The following PDE7B variants were observed in gnomAD, a reference collection of about 807,000 sequenced individuals.
PDE7B encodes the protein 3',5'-cyclic-AMP phosphodiesterase 7B.
In PDE7B, 29 loss-of-function variants were observed where a neutral mutation model predicts 56.2. That is an observed-to-expected ratio of 0.52 (90% CI 0.38 to 0.70). The LOEUF is 0.70. Ranked by LOEUF, PDE7B falls within the 30% of genes least tolerant of loss-of-function variation. The pLI is 0.00. For missense variants in PDE7B, 490 were observed against 565.0 expected (o/e 0.87, Z 1.35); for synonymous variants, 197 against 196.9 (o/e 1.00, Z 0.00).
chr6:136,063,666 G>A (rs374522376), intron 2 of PDE7B, among the ~76,000 whole-genome samples: 135 of 152,232 alleles, frequency 8.9e-4, no homozygotes, highest in Admixed American at 3.6e-3. Context: ...AGGCAGCCCC[G>A]CCCCTACTTT....
chr6:135,947,494 G>A lies in PDE7B; in HGVS notation c.52G>A (p.Asp18Asn), dbSNP rs377744382. Reference protein sequence around the residue: ...RCGEILFENPDQNAKCVCMLG... With the variant: ...RCGEILFENPNQNAKCVCMLG... The stretch of plus-strand genomic sequence containing the variant: ...TGGCGAAATCTTGTTTGAGAACCCC[G>A]ATCAGAATGCCAAATGTGTTTGCAT... Residue 18 changes from aspartate (D) to asparagine (N), a missense_variant, in exon 2 of 13, where the codon GAT becomes AAT. By Grantham distance (23) the Asp-to-Asn change is conservative (BLOSUM62 1). Coordinates refer to ENST00000308191, the MANE Select transcript of PDE7B (RefSeq NM_018945.4). 5.3e-5 allele frequency: 86 copies of A among 1,612,216 alleles called. No homozygotes were observed. Among genetic ancestry groups the A allele is most frequent in the Middle Eastern group, 4.9e-4 (3 of 6,080 alleles).
At chr6:136,045,890 C>A (rs964085205) in intron 2 of PDE7B, among the ~76,000 whole-genome samples, 6 of 113,950 alleles carry the variant, frequency 5.3e-5, no homozygotes, top group Admixed American at 2.0e-4. Flanking sequence ...AGACACATAT[C>A]ATGCAATAAT....
intron 8 of PDE7B, among the ~76,000 whole-genome samples, chr6:136,168,746 C>G (rs1035156752): frequency 6.6e-6 from 1 of 152,070 alleles, no homozygotes; most frequent in Non-Finnish European, 1.5e-5. Flanking sequence ...GAGTTCTCCC[C>G]CAAGACGACC....
chr6:136,136,448 C>A (rs953578164), intron 3 of PDE7B, among the ~76,000 whole-genome samples: 1 of 152,012 alleles, frequency 6.6e-6, no homozygotes, highest in Non-Finnish European at 1.5e-5. Flanking sequence ...TAAGAGTGAA[C>A]TTTGCAACCA....
intron 8 of PDE7B, among the ~76,000 whole-genome samples, chr6:136,173,267 A>G (rs1001266896): frequency 2.0e-5 from 3 of 152,244 alleles, no homozygotes; most frequent in Admixed American, 2.0e-4. Context: ...ACAAGGCTAC[A>G]GTAACCAAAA....
intron 2 of PDE7B, among the ~76,000 whole-genome samples, chr6:136,006,443 G>C (rs1421133211): frequency 2.6e-5 from 4 of 152,076 alleles, no homozygotes; most frequent in Admixed American, 2.6e-4. Context: ...TTCTGGTTCT[G>C]TGAAGAATGT....
chr6:136,009,443 G>A (rs574172905), intron 2 of PDE7B, among the ~76,000 whole-genome samples: 5 of 151,910 alleles, frequency 3.3e-5, no homozygotes, highest in South Asian at 2.1e-4. Context: ...CCATTTTCAC[G>A]ATATTGATTC....
chr6:135,963,419 G>A (rs998839838), intron 2 of PDE7B, among the ~76,000 whole-genome samples: 5 of 152,086 alleles, frequency 3.3e-5, no homozygotes, highest in Admixed American at 6.6e-5. Flanking sequence ...GAGAAGAAAC[G>A]GAGAGAAATG....
At chr6:136,145,597 A>C (rs968643999) in intron 3 of PDE7B, among the ~76,000 whole-genome samples, 3 of 152,150 alleles carry the variant, frequency 2.0e-5, no homozygotes, top group Non-Finnish European at 2.9e-5. Context: ...TGAATAGTTC[A>C]TGGCCAACTC....
intron 7 of PDE7B, 135 bp from the exon 8 acceptor site, chr6:136,155,492 G>C (rs1281309555): frequency 1.4e-6 from 1 of 708,172 alleles, no homozygotes; most frequent in Non-Finnish European, 2.4e-6. Flanking sequence ...CTCATTTAAT[G>C]CTTCAAAGGG....
At chr6:135,964,252 C>T (rs1774955918) in intron 2 of PDE7B, among the ~76,000 whole-genome samples, 1 of 151,846 alleles carries the variant, frequency 6.6e-6, no homozygotes, top group South Asian at 2.1e-4. Context: ...TACAGGTGCA[C>T]ACCACCACAC....
At chr6:136,110,498 CTT>C (rs1777725625) in intron 3 of PDE7B, among the ~76,000 whole-genome samples, 1 of 152,146 alleles carries the variant, frequency 6.6e-6, no homozygotes. Context: ...CGAAAGGCCT[CTT>C]TTCAATAGTA....
At chr6:136,181,385 A>G (rs1779062282) in intron 11 of PDE7B, 62 bp downstream of exon 11, 5 of 990,292 alleles carry the variant, frequency 5.0e-6, no homozygotes, top group Middle Eastern at 2.1e-4. Flanking sequence ...ATTTATCCTA[A>G]TAAAACAGGA....
chr6:136,095,194 CATA>C (rs908693941), intron 2 of PDE7B, among the ~76,000 whole-genome samples: 29 of 152,274 alleles, frequency 1.9e-4, no homozygotes, highest in Middle Eastern at 3.4e-3. Flanking sequence ...CTTTAATTCA[CATA>C]ATGTTTAATT....
intron 1 of PDE7B, among the ~76,000 whole-genome samples, chr6:135,853,474 ATTACTGGCTGGTGAAACAAAGACAGG>A (rs1341114771): frequency 2.0e-5 from 3 of 152,198 alleles, no homozygotes; most frequent in Non-Finnish European, 4.4e-5. Flanking sequence ...TTTATCTTTT[ATTACTGGCTGGTGAAACAAAGACAGG>A]TGTCAGTAGT....
intron 2 of PDE7B, among the ~76,000 whole-genome samples, chr6:135,964,789 G>A (rs1774963056): frequency 6.6e-6 from 1 of 152,204 alleles, no homozygotes; most frequent in South Asian, 2.1e-4. Context: ...TTAGATTCTA[G>A]TAGGATGTGG....
chr6:136,040,738 T>C (rs1776399346), intron 2 of PDE7B, among the ~76,000 whole-genome samples: 1 of 152,196 alleles, frequency 6.6e-6, no homozygotes, highest in African/African-American at 2.4e-5. Context: ...GTCTCCTCAA[T>C]TTATACTTTC....
chr6:136,041,332 T>TA (rs201949118), intron 2 of PDE7B, among the ~76,000 whole-genome samples: 6 of 151,626 alleles, frequency 4.0e-5, no homozygotes, highest in Admixed American at 1.3e-4. Flanking sequence ...AAGGAGAGAA[T>TA]AAAAAAAATA....
intron 2 of PDE7B, among the ~76,000 whole-genome samples, chr6:136,021,975 A>C (rs1776079400): frequency 6.6e-6 from 1 of 152,100 alleles, no homozygotes; most frequent in Non-Finnish European, 1.5e-5. Flanking sequence ...TCCCTTGGTC[A>C]CTGAGTCTCT....
Sources: gnomAD v4.1 joint callset for allele counts (sites outside exome capture counted in the v4.1 genomes callset) on GRCh38, gnomAD v4.1.1 for gene constraint, MANE v1.5 for transcripts, NCBI Gene and HGNC (gene_info 2026-07-23, HGNC 2026-07-21) for gene names.